Variants in EXOC4 observed in about 807,000 individuals in gnomAD.
EXOC4 encodes exocyst complex component 4.
EXOC4 carries 71 observed loss-of-function variants against 107.2 expected under a neutral mutation model. The ratio of observed to expected loss-of-function variants is 0.66; its 90% confidence interval spans 0.55 to 0.81. The LOEUF is 0.81. EXOC4 is among the 30% of genes least tolerant of loss of function. EXOC4 has a pLI of 0.00. For synonymous variants in EXOC4, 456 were observed against 441.2 expected, an observed-to-expected ratio of 1.03 and a Z score of -0.42; for missense variants, 1,108 against 1,189.6, an observed-to-expected ratio of 0.93 and a Z score of 1.01.
chr7:133,424,268 A>G (rs1475426436), intron 7 of EXOC4, among the ~76,000 whole-genome samples: 2 of 152,028 alleles, frequency 1.3e-5, no homozygotes, highest in Non-Finnish European at 2.9e-5. Context: ...CACTCTTATG[A>G]GCTGTAACAC....
At chr7:133,428,798 G>A (rs959819468) in intron 7 of EXOC4, among the ~76,000 whole-genome samples, 1 of 152,162 alleles carries the variant, frequency 6.6e-6, no homozygotes, top group East Asian at 1.9e-4. Context: ...TAGATTTTGA[G>A]CCAGGGTATA....
intron 9 of EXOC4, chr7:133,601,944 C>G (rs988044299): frequency 2.0e-5 from 3 of 152,248 alleles, no homozygotes; most frequent in African/African-American, 7.2e-5. Flanking sequence ...CAGAACATCT[C>G]TGGGGCATGG....
rs572857480 is a variant in EXOC4 at position 133,612,124 on chromosome 7, A to G, written c.1418-17921A>G. On this transcript the variant is annotated intron_variant, in intron 9 of 17. Transcript: ENST00000253861. Reference sequence around the variant, plus strand: ...AATGACATGGGAAAACACTTAGGATATATTATTAGGAGGAAAAAGCTGACT... The same window carrying G: ...AATGACATGGGAAAACACTTAGGATGTATTATTAGGAGGAAAAAGCTGACT... Among the ~76,000 whole-genome samples the G allele has an allele frequency of 5.3e-5, 8 of 152,248 alleles. 1 individual carries two copies. In the South Asian group the frequency reaches 1.7e-3, roughly 32 times the overall value.
intron 10 of EXOC4, among the ~76,000 whole-genome samples, chr7:133,655,197 ATTTTAAAAATTT>A (rs1803261434): frequency 1.5e-5 from 2 of 133,964 alleles, no homozygotes; most frequent in Non-Finnish European, 3.3e-5. Context: ...AATAAACTTT[ATTTTAAAAATTT>A]TGTTTATAGT....
chr7:133,841,514 T>C (rs942471421), intron 11 of EXOC4, among the ~76,000 whole-genome samples: 1 of 152,182 alleles, frequency 6.6e-6, no homozygotes, highest in African/African-American at 2.4e-5. Context: ...AGCTTTTTTT[T>C]CCTTTTAGGT....
intron 1 of EXOC4, among the ~76,000 whole-genome samples, chr7:133,258,277 C>T (rs1434697732): frequency 1.3e-5 from 2 of 152,146 alleles, no homozygotes; most frequent in South Asian, 2.1e-4. Flanking sequence ...TAGTGTACCT[C>T]GTGTAACTGT....
intron 9 of EXOC4, among the ~76,000 whole-genome samples, chr7:133,598,636 T>C (rs1320480127): frequency 6.6e-6 from 1 of 152,192 alleles, no homozygotes; most frequent in African/African-American, 2.4e-5. Flanking sequence ...TAAATACAGA[T>C]CAGGTATTTC....
chr7:133,431,696 G>T lies in EXOC4; in HGVS notation c.1183-43632G>T, dbSNP rs142027418. Among the ~76,000 whole-genome samples the T allele has an allele frequency of 1.8e-3, 267 of 152,308 alleles. 1 individual carries two copies. Among genetic ancestry groups the T allele is most frequent in the African/African-American group, 6.0e-3 (250 of 41,564 alleles). On this transcript the variant is annotated intron_variant, in intron 7 of 17. Coordinates refer to ENST00000253861, the MANE Select transcript of EXOC4 (RefSeq NM_021807.4). Reference sequence around the variant, plus strand: ...CCCTGTATCTGAGGCGTTGTTTTTAGAGCCACATTTGCATGTTAAGTGGAG... The same window carrying T: ...CCCTGTATCTGAGGCGTTGTTTTTATAGCCACATTTGCATGTTAAGTGGAG...
chr7:134,096,134 A>G, the EXOC4 span, among the ~76,000 whole-genome samples: 7 of 152,180 alleles, frequency 4.6e-5, no homozygotes, highest in African/African-American at 7.2e-5. Flanking sequence ...AGTGGGCAAA[A>G]GAACAGACAC....
chr7:133,740,268 C>T (rs1041842678), intron 10 of EXOC4, among the ~76,000 whole-genome samples: 3 of 152,144 alleles, frequency 2.0e-5, no homozygotes, highest in African/African-American at 7.2e-5. Flanking sequence ...CTGGAAGCAA[C>T]AAGTAAGCAT....
the EXOC4 span, among the ~76,000 whole-genome samples, chr7:134,100,026 C>T: frequency 6.6e-6 from 1 of 152,090 alleles, no homozygotes; most frequent in Admixed American, 6.5e-5. Context: ...CACTTCTGCA[C>T]AGGTTTCCCT....
chr7:133,696,678 T>G (rs112832042), intron 10 of EXOC4, among the ~76,000 whole-genome samples: 132 of 152,354 alleles, frequency 8.7e-4, no homozygotes, highest in African/African-American at 3.0e-3. Context: ...GACAAGAGAA[T>G]AACATAATTA....
chr7:133,440,004 A>T (rs543264456), intron 7 of EXOC4, among the ~76,000 whole-genome samples: 1 of 152,154 alleles, frequency 6.6e-6, no homozygotes, highest in East Asian at 1.9e-4. Flanking sequence ...TTTACTTTTT[A>T]ATTCAATATA....
At chr7:133,836,299 G>A (rs1797916902) in intron 11 of EXOC4, among the ~76,000 whole-genome samples, 1 of 151,988 alleles carries the variant, frequency 6.6e-6, no homozygotes, top group African/African-American at 2.4e-5. Context: ...GTATACCTTG[G>A]AAATTAATTT....
intron 7 of EXOC4, among the ~76,000 whole-genome samples, chr7:133,406,117 T>C (rs573308435): frequency 5.9e-5 from 9 of 152,342 alleles, no homozygotes; most frequent in African/African-American, 1.9e-4. Flanking sequence ...AGCTCTTTTG[T>C]GCGTCTTATT....
At chr7:133,259,438 G>A (rs1795092604) in intron 1 of EXOC4, among the ~76,000 whole-genome samples, 1 of 151,926 alleles carries the variant, frequency 6.6e-6, no homozygotes, top group Non-Finnish European at 1.5e-5. Context: ...TGTTGGCCAG[G>A]CTGGTCTCAA....
At chr7:133,350,696 C>T (rs1795888952) in intron 5 of EXOC4, among the ~76,000 whole-genome samples, 1 of 151,992 alleles carries the variant, frequency 6.6e-6, no homozygotes, top group Admixed American at 6.6e-5. Context: ...GTATGAATTT[C>T]AGGATGGTCT....
chr7:133,258,818 G>A (rs1040698883), intron 1 of EXOC4, among the ~76,000 whole-genome samples: 1 of 152,136 alleles, frequency 6.6e-6, no homozygotes, highest in African/African-American at 2.4e-5. Flanking sequence ...TAATTTGAGA[G>A]TCAGCTGAAG....
At chr7:133,940,592 G>A (rs1800403081) in intron 14 of EXOC4, among the ~76,000 whole-genome samples, 1 of 152,174 alleles carries the variant, frequency 6.6e-6, no homozygotes, top group Non-Finnish European at 1.5e-5. Flanking sequence ...CATCAAGCAA[G>A]CCTGGTTTAT....
Sources: allele counts gnomAD v4.1 joint callset (sites outside exome capture counted in the v4.1 genomes callset), GRCh38; gene constraint gnomAD v4.1.1; transcripts MANE v1.5; gene names NCBI Gene and HGNC (gene_info 2026-07-23, HGNC 2026-07-21).